XIRP2: variants seen among roughly 807,000 people sequenced by gnomAD.
The protein encoded by XIRP2 is xin actin-binding repeat-containing protein 2.
XIRP2 carries 236 observed loss-of-function variants against 277.0 expected under a neutral mutation model. The observed-to-expected ratio is 0.85, with a 90% confidence interval of 0.77 to 0.95. The LOEUF is 0.95. XIRP2 is among the 40% of genes least tolerant of loss of function. The probability of loss-of-function intolerance (pLI) is 0.00; values close to 1 mark genes in which losing one functional copy is unlikely to be tolerated. For missense variants in XIRP2, 4,640 were observed against 4,157.5 expected (o/e 1.12, Z -3.19); for synonymous variants, 1,490 against 1,416.5 (o/e 1.05, Z -1.17).
Position 167,244,087 on chromosome 2 carries a change from A to T in XIRP2, c.2695A>T (p.Ile899Phe). The change falls in exon 9 of 11, where the codon ATC becomes TTC. Residue 899 changes from isoleucine (I) to phenylalanine (F), a missense_variant. Coordinates refer to ENST00000409195, the MANE Select transcript of XIRP2 (RefSeq NM_152381.6). ...DSPDIGKLQK[I>F]TASEEEKGDV... ...TCCTGATATAGGAAAGCTTCAAAAA[A>T]TCACTGCCTCTGAAGAAGAAAAAGG... 1 of 1,613,984 alleles carries T rather than the reference A, an allele frequency of 6.2e-7. No homozygotes were observed. The highest frequency in any genetic ancestry group is 8.5e-7 in the Non-Finnish European group (1 of 1,179,940).
intron 6 of XIRP2, among the ~76,000 whole-genome samples, chr2:167,240,412 C>T (rs1695029095): frequency 6.6e-6 from 1 of 151,972 alleles, no homozygotes; most frequent in South Asian, 2.1e-4. Context: ...AAGACTCCTT[C>T]TCAATAAATA....
At position 167,005,747 on chromosome 2, in the gene XIRP2, C is replaced by T. The variant is rs143250752; in HGVS notation, c.408+101857C>T. ...ACAAATAATGAACATCTGGAAAGTA[C>T]TGGCCAAGTTTTAAATATAGCATGT... On this transcript the variant is annotated intron_variant, in intron 2 of 10. Transcript: ENST00000409195. 1.1e-3 allele frequency among the ~76,000 whole-genome samples: 170 copies of T among 151,230 alleles called. 1 individual carries two copies. Among genetic ancestry groups the T allele is most frequent in the African/African-American group, 3.8e-3 (157 of 41,210 alleles).
At chr2:167,214,190 AAG>A (rs1307791917) in intron 4 of XIRP2, among the ~76,000 whole-genome samples, 2 of 95,382 alleles carry the variant, frequency 2.1e-5, no homozygotes, top group African/African-American at 5.8e-5. Flanking sequence ...GAAGGAAGGA[AAG>A]AGAGAGAGAA....
rs766636354 is a variant in XIRP2 at position 167,248,469 on chromosome 2, T to G, written c.7077T>G (p.Ser2359Arg). 3 of 1,613,576 alleles carry G rather than the reference T, an allele frequency of 1.9e-6. No homozygotes were observed. In the Admixed American group the frequency reaches 5.0e-5, roughly 27 times the overall value. Reference sequence around the variant, plus strand: ...TAGATGAGAAATCTGAAAGAGAAAGTTCATCGATGTTTCTGCCGCCTCCTC... The same window carrying G: ...TAGATGAGAAATCTGAAAGAGAAAGGTCATCGATGTTTCTGCCGCCTCCTC... Reference protein sequence around the residue: ...PPVDEKSERESSSMFLPPPPP... With the variant: ...PPVDEKSERERSSMFLPPPPP... Residue 2359 changes from serine (S) to arginine (R), a missense_variant, in exon 9 of 11, where the codon AGT becomes AGG. Ser to Arg is a moderately radical substitution (Grantham distance 110, BLOSUM62 -1). Coordinates refer to ENST00000409195, the MANE Select transcript of XIRP2 (RefSeq NM_152381.6).
chr2:167,247,243 G>T lies in XIRP2; in HGVS notation c.5851G>T (p.Ala1951Ser), dbSNP rs200256949. 105 of 1,613,678 alleles carry T rather than the reference G, an allele frequency of 6.5e-5. No homozygotes were observed. In the East Asian group the frequency reaches 1.9e-3, roughly 30 times the overall value. ...AGGTGTAATAAAAAAAGATGCTAAA[G>T]CTGTGATGGCAGGATCCTCGGGAGA... is the stretch of plus-strand genomic sequence containing the variant. The part of the protein sequence containing the change: ...KEGVIKKDAK[A>S]VMAGSSGEQK... Residue 1951 changes from alanine (A) to serine (S), a missense_variant, in exon 9 of 11, where the codon GCT becomes TCT. Ala to Ser is a moderately conservative substitution (Grantham distance 99, BLOSUM62 1). Coordinates refer to ENST00000409195, the MANE Select transcript of XIRP2 (RefSeq NM_152381.6).
intron 2 of XIRP2, among the ~76,000 whole-genome samples, chr2:167,022,813 C>A (rs945490358): frequency 2.6e-5 from 4 of 152,120 alleles, no homozygotes; most frequent in African/African-American, 7.2e-5. Context: ...TATTCTATTC[C>A]ATGGTGTATA....
chr2:167,211,585 C>T (rs746378138), intron 4 of XIRP2, among the ~76,000 whole-genome samples: 13 of 152,172 alleles, frequency 8.5e-5, no homozygotes, highest in Non-Finnish European at 1.8e-4. Flanking sequence ...TCAGGAAGGT[C>T]GGGAATTAAT....
At chr2:167,036,123 G>C (rs1688500471) in intron 2 of XIRP2, among the ~76,000 whole-genome samples, 1 of 152,228 alleles carries the variant, frequency 6.6e-6, no homozygotes, top group African/African-American at 2.4e-5. Context: ...GAGAACCTCT[G>C]CTAGGGCGGT....
intron 2 of XIRP2, among the ~76,000 whole-genome samples, chr2:167,016,638 C>T (rs190461495): frequency 6.6e-6 from 1 of 151,910 alleles, no homozygotes; most frequent in African/African-American, 2.4e-5. Flanking sequence ...GAAGCAGCTG[C>T]TAAGGTAGAA....
chr2:166,943,373 G>T (rs1685771980), intron 2 of XIRP2, among the ~76,000 whole-genome samples: 1 of 152,172 alleles, frequency 6.6e-6, no homozygotes, highest in South Asian at 2.1e-4. Context: ...AAATGGCTCT[G>T]CTCTCTCTTT....
chr2:167,171,940 G>C (rs1246187495), intron 3 of XIRP2, among the ~76,000 whole-genome samples: 1 of 152,040 alleles, frequency 6.6e-6, no homozygotes, highest in Admixed American at 6.5e-5. Flanking sequence ...ATTGTTGTGG[G>C]CATAAAATAG....
chr2:167,099,101 C>A (rs1389581386), intron 2 of XIRP2, among the ~76,000 whole-genome samples: 1 of 152,188 alleles, frequency 6.6e-6, no homozygotes, highest in Admixed American at 6.5e-5. Flanking sequence ...GAAGCTGTGT[C>A]CACAGCCGCC....
chr2:166,984,152 C>T (rs1347692158), intron 2 of XIRP2, among the ~76,000 whole-genome samples: 1 of 152,188 alleles, frequency 6.6e-6, no homozygotes, highest in Admixed American at 6.5e-5. Flanking sequence ...TGACTTACAG[C>T]TCCACTAGAA....
intron 3 of XIRP2, among the ~76,000 whole-genome samples, chr2:167,171,306 T>C (rs771410483): frequency 6.6e-6 from 1 of 152,198 alleles, no homozygotes; most frequent in East Asian, 1.9e-4. Context: ...TCACTTAAAA[T>C]TTTATTTTAA....
chr2:166,931,530 C>A (rs554355139), intron 2 of XIRP2, among the ~76,000 whole-genome samples: 1 of 152,180 alleles, frequency 6.6e-6, no homozygotes, highest in African/African-American at 2.4e-5. Flanking sequence ...TAAATATATT[C>A]TTTTGTGTCT....
chr2:167,026,761 T>C (rs1003836325), intron 2 of XIRP2, among the ~76,000 whole-genome samples: 7 of 152,102 alleles, frequency 4.6e-5, no homozygotes, highest in Non-Finnish European at 5.9e-5. Flanking sequence ...ATTCTTTTCT[T>C]TAAGAATGTT....
At chr2:167,152,890 A>G (rs1202116205) in intron 3 of XIRP2, among the ~76,000 whole-genome samples, 1 of 152,138 alleles carries the variant, frequency 6.6e-6, no homozygotes, top group African/African-American at 2.4e-5. Context: ...GTGGTTCTGT[A>G]CCACAGGCAT....
chr2:167,084,665 C>A (rs553271681), intron 2 of XIRP2, among the ~76,000 whole-genome samples: 2 of 151,970 alleles, frequency 1.3e-5, no homozygotes, highest in African/African-American at 4.8e-5. Flanking sequence ...CTGGTTTAGT[C>A]TTGGGAGAGT....
chr2:166,983,164 T>C (rs1686918062), intron 2 of XIRP2, among the ~76,000 whole-genome samples: 1 of 152,154 alleles, frequency 6.6e-6, no homozygotes, highest in Non-Finnish European at 1.5e-5. Flanking sequence ...TAAAAAGTTT[T>C]TTTCATCTGT....
Sources: allele counts gnomAD v4.1 joint callset (sites outside exome capture counted in the v4.1 genomes callset), GRCh38; gene constraint gnomAD v4.1.1; transcripts MANE v1.5; gene names NCBI Gene and HGNC (gene_info 2026-07-23, HGNC 2026-07-21).